The following NF1 variants were observed in gnomAD, a reference collection of about 807,000 sequenced individuals.
NF1 encodes neurofibromin.
Under a neutral mutation model 325.7 loss-of-function variants are expected in NF1, and 122 were observed. The ratio of observed to expected loss-of-function variants is 0.37; its 90% CI spans 0.32 to 0.44. The LOEUF (loss-of-function observed/expected upper bound fraction) is 0.44. Among genes scored for constraint, NF1 ranks in the 20% least tolerant of loss-of-function variants. The pLI is 1.00. For synonymous variants in NF1, 1,091 were observed against 1,186.0 expected (o/e 0.92, Z 1.65); for missense variants, 2,140 against 3,415.4 (o/e 0.63, Z 9.31).
At position 31,103,025 on chromosome 17, in the gene NF1, TAA is replaced by T. The variant is rs1224988242; in HGVS notation, c.60+7659_60+7660del. 4.6e-5 allele frequency among the ~76,000 whole-genome samples: 7 copies of T among 152,016 alleles called. No individual in the cohort carries two copies. In the South Asian group the frequency reaches 1.5e-3, roughly 32 times the overall value. ...CACACCTGGCTAATTTTTGTATTTTTAAAAGAGACAAGGGTTCGCCATGTTAG... is the reference window on the plus strand; with the variant it reads ...CACACCTGGCTAATTTTTGTATTTTTAAGAGACAAGGGTTCGCCATGTTAG... On this transcript the variant is annotated intron_variant, in intron 1 of 57. Coordinates refer to ENST00000358273, the MANE Select transcript of NF1 (RefSeq NM_001042492.3).
chr17:31,220,598 G>A (rs2066904555), intron 14 of NF1, among the ~76,000 whole-genome samples: 1 of 152,034 alleles, frequency 6.6e-6, no homozygotes, highest in Admixed American at 6.6e-5. Context: ...AACTTGGTGA[G>A]CTGTTAAACA....
chr17:31,239,932 T>A (rs1372112913), intron 29 of NF1, among the ~76,000 whole-genome samples: 1 of 152,148 alleles, frequency 6.6e-6, no homozygotes, highest in Non-Finnish European at 1.5e-5. Context: ...CCTGGCTAAT[T>A]TTTGTATTTT....
At chr17:31,361,766 T>G (rs893196041) in intron 57 of NF1, among the ~76,000 whole-genome samples, 1 of 152,240 alleles carries the variant, frequency 6.6e-6, no homozygotes, top group African/African-American at 2.4e-5. Context: ...CATGAACATT[T>G]CAACTTATGT....
intron 36 of NF1, among the ~76,000 whole-genome samples, chr17:31,265,940 C>T (rs1037198200): frequency 1.3e-5 from 2 of 152,154 alleles, no homozygotes; most frequent in Non-Finnish European, 1.5e-5. Flanking sequence ...GCCTTGCTTT[C>T]CCTACCATTG....
At chr17:31,315,950 C>T (rs1385633487) in intron 36 of NF1, among the ~76,000 whole-genome samples, 1 of 152,070 alleles carries the variant, frequency 6.6e-6, no homozygotes, top group African/African-American at 2.4e-5. Flanking sequence ...TTTTTACGGA[C>T]AGGGTATTGC....
chr17:31,342,595 G>T lies in NF1; in HGVS notation c.7063-414G>T, dbSNP rs537200115. Among the ~76,000 whole-genome samples, 4 of 152,198 alleles carry T rather than the reference G, an allele frequency of 2.6e-5. No homozygotes were observed. The South Asian group carries it at 8.3e-4, about 32-fold the overall frequency. On this transcript the variant is annotated intron_variant, in intron 47 of 57. Transcript: ENST00000358273. ...AGAGTAAGACTCCATCTCAAAAAAAGAATATTTGCAAATGGAGCATTGCAA... is the reference window on the plus strand; with the variant it reads ...AGAGTAAGACTCCATCTCAAAAAAATAATATTTGCAAATGGAGCATTGCAA...
intron 1 of NF1, among the ~76,000 whole-genome samples, chr17:31,135,680 G>C (rs574673130): frequency 1.3e-5 from 2 of 151,952 alleles, no homozygotes; most frequent in South Asian, 4.1e-4. Flanking sequence ...GATCCTCCCA[G>C]CTCAGCCTCC....
rs374087978 is a variant in NF1, at chr17:31,318,866, T to G, written c.4836-6954T>G. ...TTTTCATTTTGGTTTCTGCCTGTCT[T>G]GTTTTGAATAACTGAATCCCAGGAA... On this transcript the variant is annotated intron_variant, in intron 36 of 57. Transcript: ENST00000358273. 4.3e-6 allele frequency: 7 copies of G among 1,613,978 alleles called. No individual in the cohort carries two copies. The African/African-American group carries it at 8.0e-5, about 18-fold the overall frequency.
In NF1 at chr17:31,376,060, GCTGAAATTAGAA is replaced by G. The variant is rs898359801; in HGVS notation, c.*1909_*1920del. On this transcript the variant is annotated 3_prime_UTR_variant, in exon 58 of 58. Transcript: ENST00000358273. ...AGAGCAACTATGACTATATAAAAAA[GCTGAAATTAGAA>G]CTGTGTTTAGAAATAGATCAGTAAC... The G allele has an allele frequency of 5.2e-5, 12 of 232,820 alleles. No individual in the cohort carries two copies. The highest frequency in any genetic ancestry group is 2.4e-4 in the African/African-American group (11 of 45,424). 14.4% of individuals were successfully genotyped at this position (232,820 alleles called of 1,614,324 possible). A position where few individuals can be genotyped will look rare whatever the true frequency, so the allele number is the denominator to read the frequency against.
chr17:31,238,600 G>A (rs2067242409), intron 29 of NF1, among the ~76,000 whole-genome samples: 1 of 152,070 alleles, frequency 6.6e-6, no homozygotes, highest in East Asian at 1.9e-4. Flanking sequence ...TGGGTGTGGT[G>A]GCACGTGCCT....
At chr17:31,356,428 TG>T in intron 51 of NF1, 31 bp from the exon 52 acceptor site, 8 of 1,606,306 alleles carry the variant, frequency 5.0e-6, no homozygotes, top group African/African-American at 2.7e-5. Flanking sequence ...CTGTAGTTAA[TG>T]AACTTGCATA....
At chr17:31,259,278 T>C in intron 33 of NF1, 149 bp downstream of exon 33, 3 of 580,818 alleles carry the variant, frequency 5.2e-6, no homozygotes, top group Non-Finnish European at 9.5e-6. Context: ...CTTATTTTAT[T>C]TTACTATAAA....
In NF1 at chr17:31,230,328, A is replaced by G. The variant is rs2067091938; in HGVS notation, c.3059A>G (p.Glu1020Gly). 1.2e-6 allele frequency: 2 copies of G among 1,613,532 alleles called. No individual in the cohort carries two copies. The highest frequency in any genetic ancestry group is 1.7e-6 in the Non-Finnish European group (2 of 1,179,606). Residue 1020 changes from glutamate to glycine, a missense_variant, in exon 23 of 58, where the codon GAA becomes GGA. Physicochemically the swap from Glu to Gly is moderately conservative, Grantham distance 98 (BLOSUM62 -2). Coordinates refer to ENST00000358273, the MANE Select transcript of NF1 (RefSeq NM_001042492.3). ...AAAACGAAACTGTGTCAATTAGTTG[A>G]AGTAATGATGGCAAGGAGAGATGAC... ...QIKTKLCQLV[E>G]VMMARRDDLS...
chr17:31,369,892 G>A (rs2151597167), intron 57 of NF1, among the ~76,000 whole-genome samples: 2 of 152,272 alleles, frequency 1.3e-5, no homozygotes, highest in Middle Eastern at 3.4e-3. Flanking sequence ...TCTTAGAAGT[G>A]AGAATTATGC....
chr17:31,263,058 G>GATA (rs2067714029), intron 35 of NF1, among the ~76,000 whole-genome samples: 2 of 148,376 alleles, frequency 1.3e-5, no homozygotes, highest in African/African-American at 5.1e-5. Flanking sequence ...TAGGTAGGTA[G>GATA]GTAGGTAGGT....
intron 1 of NF1, among the ~76,000 whole-genome samples, chr17:31,118,517 A>G (rs184762604): frequency 6.4e-4 from 98 of 152,008 alleles, no homozygotes; most frequent in African/African-American, 2.2e-3. Flanking sequence ...CTCAACTCGT[A>G]CTTATGAATG....
chr17:31,238,353 GA>G (rs1555615837), intron 29 of NF1, among the ~76,000 whole-genome samples: 1 of 152,184 alleles, frequency 6.6e-6, no homozygotes, highest in Non-Finnish European at 1.5e-5. Flanking sequence ...GCCCTCAGGA[GA>G]AATTACTTTA....
intron 36 of NF1, among the ~76,000 whole-genome samples, chr17:31,325,363 C>A (rs1426269585): frequency 6.6e-6 from 1 of 152,212 alleles, no homozygotes; most frequent in Non-Finnish European, 1.5e-5. Context: ...GCTAAACTAC[C>A]TGAACTGGGC....
At chr17:31,341,057 C>T (rs973072762) in intron 47 of NF1, among the ~76,000 whole-genome samples, 8 of 152,000 alleles carry the variant, frequency 5.3e-5, no homozygotes, top group African/African-American at 9.7e-5. Flanking sequence ...ATTCTCTGCC[C>T]CCCATTTCAC....
Sources: gnomAD v4.1 joint callset for allele counts (sites outside exome capture counted in the v4.1 genomes callset) on GRCh38, gnomAD v4.1.1 for gene constraint, MANE v1.5 for transcripts, NCBI Gene and HGNC (gene_info 2026-07-23, HGNC 2026-07-21) for gene names.